Variants in SVOP observed in about 807,000 individuals in gnomAD.
SVOP encodes synaptic vesicle 2-related protein.
Under a neutral mutation model 69.1 loss-of-function variants are expected in SVOP, and 17 were observed. The observed-to-expected ratio is 0.25, with a 90% confidence interval of 0.17 to 0.37. The LOEUF (loss-of-function observed/expected upper bound fraction) is 0.37, where lower values mean the gene tolerates loss of function less well. Among genes scored for constraint, SVOP ranks in the 10% least tolerant of loss-of-function variants. The pLI is 1.00. For missense variants in SVOP, 435 were observed against 597.5 expected, an observed-to-expected ratio of 0.73 and a Z score of 2.84; for synonymous variants, 238 against 238.6, an observed-to-expected ratio of 1.00 and a Z score of 0.02.
intron 1 of SVOP, among the ~76,000 whole-genome samples, chr12:109,017,746 G>A (rs991196847): frequency 1.3e-5 from 2 of 152,046 alleles, no homozygotes; most frequent in African/African-American, 4.8e-5. Context: ...GTTTCACCAT[G>A]TTGGTCAGGC....
intron 6 of SVOP, among the ~76,000 whole-genome samples, chr12:108,954,385 G>T (rs2039974343): frequency 6.6e-6 from 1 of 152,158 alleles, no homozygotes; most frequent in African/African-American, 2.4e-5. Context: ...CACATGGAAG[G>T]GCTACAGTAG....
intron 12 of SVOP, among the ~76,000 whole-genome samples, chr12:108,920,219 G>C (rs913896711): frequency 6.6e-6 from 1 of 152,200 alleles, no homozygotes; most frequent in African/African-American, 2.4e-5. Context: ...CTTGATTGCA[G>C]CCACATGAAA....
chr12:108,940,719 AC>A, intron 8 of SVOP, 64 bp downstream of exon 8: 1 of 1,514,254 alleles, frequency 6.6e-7, no homozygotes, highest in East Asian at 2.5e-5. Flanking sequence ...TCCCCTCCCC[AC>A]CAAAATAGAG....
intron 11 of SVOP, 37 bp downstream of exon 11, chr12:108,934,158 G>A (rs1405243855): frequency 6.4e-7 from 1 of 1,555,260 alleles, no homozygotes; most frequent in African/African-American, 1.4e-5. Context: ...CGAGGGTGTG[G>A]GAGTAGTTAG....
At chr12:108,996,985 G>A (rs930849765) in intron 1 of SVOP, among the ~76,000 whole-genome samples, 12 of 152,112 alleles carry the variant, frequency 7.9e-5, no homozygotes, top group African/African-American at 2.7e-4. Flanking sequence ...GAACAGCTCC[G>A]GTCTACAGCT....
chr12:108,925,903 T>C (rs1011908288), intron 11 of SVOP, among the ~76,000 whole-genome samples: 5 of 151,150 alleles, frequency 3.3e-5, no homozygotes, highest in Admixed American at 3.3e-4. Context: ...TGCCCCTTTA[T>C]CTGCCCTACA....
intron 6 of SVOP, among the ~76,000 whole-genome samples, chr12:108,950,774 GT>G (rs2039949926): frequency 6.6e-6 from 1 of 152,122 alleles, no homozygotes; most frequent in South Asian, 2.1e-4. Flanking sequence ...TGCTTAGGTT[GT>G]GTTCAATTTC....
At chr12:109,007,898 C>CGTGGT (rs1212283301) in intron 1 of SVOP, among the ~76,000 whole-genome samples, 2 of 151,976 alleles carry the variant, frequency 1.3e-5, no homozygotes. Flanking sequence ...ATTAGCTGAC[C>CGTGGT]GTGGTGGTAC....
chr12:109,003,164 T>C (rs893023758), intron 1 of SVOP, among the ~76,000 whole-genome samples: 1 of 152,008 alleles, frequency 6.6e-6, no homozygotes, highest in Non-Finnish European at 1.5e-5. Flanking sequence ...TCATAGACAT[T>C]TGGGAAGGAC....
In SVOP at chr12:108,927,240, G is replaced by A. The variant is rs540556764; in HGVS notation, c.1049-4443C>T. Among the ~76,000 whole-genome samples the A allele has an allele frequency of 2.5e-4, 38 of 152,300 alleles. No homozygotes were observed. In the South Asian group the frequency reaches 3.1e-3, roughly 12 times the overall value. ...ATATGGTCCTTTGTCTCTGACCCAG[G>A]AGTGTTGTGTCCTCTGCTAGCACCT... On this transcript the variant is annotated intron_variant, in intron 11 of 15. Coordinates refer to ENST00000610966, the MANE Select transcript of SVOP (RefSeq NM_018711.5).
intron 1 of SVOP, among the ~76,000 whole-genome samples, chr12:108,993,428 G>A (rs1320088550): frequency 3.3e-5 from 5 of 150,964 alleles, no homozygotes; most frequent in African/African-American, 7.3e-5. Context: ...CACTGCCACA[G>A]ATGTTACTGA....
intron 5 of SVOP, among the ~76,000 whole-genome samples, chr12:108,967,267 G>T (rs1305058009): frequency 1.3e-5 from 2 of 151,994 alleles, no homozygotes; most frequent in East Asian, 1.9e-4. Flanking sequence ...TTGGGAGGCC[G>T]ATGTGGGCAG....
intron 1 of SVOP, among the ~76,000 whole-genome samples, chr12:108,986,560 T>C (rs1365763406): frequency 2.0e-5 from 3 of 152,224 alleles, no homozygotes; most frequent in African/African-American, 7.2e-5. Flanking sequence ...CTAGTTTACT[T>C]GAAGCCATCC....
rs1289742685 is a variant in SVOP, at chr12:108,934,199, G to A, written c.1044C>T (p.Cys348=). 3.1e-6 allele frequency: 5 copies of A among 1,601,260 alleles called. No individual in the cohort carries two copies. The highest frequency in any genetic ancestry group is 3.4e-5 in the Admixed American group (2 of 58,062). The change falls in exon 11 of 16, where the codon TGC becomes TGT. Residue 348 remains cysteine, a synonymous_variant. Transcript: ENST00000610966. ...TTELFQAGDV[C]GISSRKKAVE... is the part of the protein sequence containing the mutation. ...AAAGACAACCAAGATACTCACTGCCGCAGACATCTCCTGCCTGGAAGAGTT... is the reference window on the plus strand; with the variant it reads ...AAAGACAACCAAGATACTCACTGCCACAGACATCTCCTGCCTGGAAGAGTT...
rs775829005 is a variant in SVOP at position 108,915,829 on chromosome 12, C to T, written c.1394G>A (p.Ser465Asn). 2.5e-6 allele frequency: 4 copies of T among 1,609,164 alleles called. No individual in the cohort carries two copies. Among genetic ancestry groups the T allele is most frequent in the South Asian group, 1.1e-5 (1 of 90,052 alleles). The change falls in exon 15 of 16, where the codon AGC becomes AAC. Residue 465 changes from serine (S) to asparagine (N), a missense_variant. Physicochemically the swap from Ser to Asn is conservative, Grantham distance 46 (BLOSUM62 1). Coordinates refer to ENST00000610966, the MANE Select transcript of SVOP (RefSeq NM_018711.5). ...ATRALGLGTC[S>N]GMARVGALIT... The stretch of plus-strand genomic sequence containing the variant: ...GAGAGCACCCACTCTTGCCATGCCG[C>T]TGCAGGTGCCCAGGCCGAGGGCCCG...
intron 1 of SVOP, among the ~76,000 whole-genome samples, chr12:109,005,398 C>G (rs193201069): frequency 6.6e-6 from 1 of 152,274 alleles, no homozygotes; most frequent in East Asian, 1.9e-4. Context: ...TCGAGAGCAT[C>G]TGGAAGAGCC....
At chr12:108,968,388 C>T (rs1468357237) in intron 5 of SVOP, among the ~76,000 whole-genome samples, 2 of 152,212 alleles carry the variant, frequency 1.3e-5, no homozygotes, top group African/African-American at 4.8e-5. Context: ...AGCCTTCTGA[C>T]TCCTCAAATC....
chr12:108,954,897 G>T (rs1175779539), intron 6 of SVOP, among the ~76,000 whole-genome samples: 1 of 152,194 alleles, frequency 6.6e-6, no homozygotes, highest in Non-Finnish European at 1.5e-5. Context: ...GCTGAGCATG[G>T]TGGTGTGTGC....
At chr12:108,930,613 T>C (rs1489832057) in intron 11 of SVOP, among the ~76,000 whole-genome samples, 2 of 152,114 alleles carry the variant, frequency 1.3e-5, no homozygotes, top group Non-Finnish European at 2.9e-5. Context: ...TTTTGTATTT[T>C]TAGTAGAGAT....
Sources: allele counts gnomAD v4.1 joint callset (sites outside exome capture counted in the v4.1 genomes callset), GRCh38; gene constraint gnomAD v4.1.1; transcripts MANE v1.5; gene names NCBI Gene and HGNC (gene_info 2026-07-23, HGNC 2026-07-21).